STK35: variants seen among roughly 807,000 people sequenced by gnomAD.
STK35 encodes the protein serine/threonine kinase 35, also known as serine/threonine-protein kinase 35.
A neutral mutation model predicts 37.3 loss-of-function variants in STK35; 17 were observed. That is an observed-to-expected ratio of 0.46 (90% CI 0.31 to 0.68). The LOEUF is 0.68. Ranked by LOEUF, STK35 falls within the 30% of genes least tolerant of loss-of-function variation. The pLI is 0.05. For synonymous variants in STK35, 385 were observed against 319.1 expected, an observed-to-expected ratio of 1.21 and a Z score of -2.20; for missense variants, 595 against 746.7, an observed-to-expected ratio of 0.80 and a Z score of 2.37.
intron 3 of STK35, among the ~76,000 whole-genome samples, chr20:2,121,932 C>T (rs2122560877): frequency 6.6e-6 from 1 of 152,238 alleles, no homozygotes; most frequent in Admixed American, 6.5e-5. Flanking sequence ...AAGAATAGAC[C>T]AGTAGTTGTC....
At chr20:2,140,876 T>C (rs1410644415) in intron 3 of STK35, among the ~76,000 whole-genome samples, 2 of 152,226 alleles carry the variant, frequency 1.3e-5, no homozygotes. Flanking sequence ...TAGTTTATTA[T>C]GTAAAAAGGA....
chr20:2,117,633 C>T lies in STK35; in HGVS notation c.*37+218C>T, dbSNP rs948411067. On this transcript the variant is annotated intron_variant, in intron 3 of 3. Coordinates refer to ENST00000381482, the MANE Select transcript of STK35 (RefSeq NM_080836.4). The surrounding 1 kb of genome is among the most constrained non-coding windows in gnomAD (Gnocchi z 4.4). The stretch of plus-strand genomic sequence containing the variant: ...CTAATTTTTGTATTTTTAGTAGAGA[C>T]GGAGTTTCACCATGTTGGCTAGGCT... Among the ~76,000 whole-genome samples the T allele has an allele frequency of 1.3e-5, 2 of 152,076 alleles. No individual in the cohort carries two copies. Among genetic ancestry groups the T allele is most frequent in the Non-Finnish European group, 2.9e-5 (2 of 68,012 alleles).
intron 2 of STK35, among the ~76,000 whole-genome samples, chr20:2,108,510 A>G (rs1209056387): frequency 6.6e-6 from 1 of 152,026 alleles, no homozygotes; most frequent in African/African-American, 2.4e-5. Context: ...ACTGTCTCCA[A>G]AAAAAAAGAA....
chr20:2,114,628 A>C (rs1600603742), intron 2 of STK35, among the ~76,000 whole-genome samples: 1 of 152,280 alleles, frequency 6.6e-6, no homozygotes, highest in East Asian at 1.9e-4. Flanking sequence ...GCAGCTCCTC[A>C]GTCCGAAGGT....
chr20:2,119,643 C>G (rs998568705), intron 3 of STK35, among the ~76,000 whole-genome samples: 1 of 152,212 alleles, frequency 6.6e-6, no homozygotes, highest in African/African-American at 2.4e-5. Flanking sequence ...ATATCTTATT[C>G]AAGCATCCCC....
chr20:2,123,655 A>G (rs1260345002), intron 3 of STK35, among the ~76,000 whole-genome samples: 1 of 152,228 alleles, frequency 6.6e-6, no homozygotes, highest in East Asian at 1.9e-4. Flanking sequence ...AAAAAATGGA[A>G]AAGAAATGCG....
chr20:2,119,819 T>C (rs2122558067), intron 3 of STK35, among the ~76,000 whole-genome samples: 1 of 152,344 alleles, frequency 6.6e-6, no homozygotes, highest in Non-Finnish European at 1.5e-5. Context: ...TTCCCTCCCT[T>C]TCCCTTCATT....
intron 3 of STK35, among the ~76,000 whole-genome samples, chr20:2,143,553 TAGTC>T (rs1199257324): frequency 3.9e-5 from 6 of 152,294 alleles, no homozygotes; most frequent in Admixed American, 1.3e-4. Context: ...GTCTGCCCCT[TAGTC>T]AGTGTGCCCT....
intron 3 of STK35, among the ~76,000 whole-genome samples, chr20:2,119,119 T>C (rs1239392525): frequency 6.6e-6 from 1 of 152,232 alleles, no homozygotes; most frequent in Non-Finnish European, 1.5e-5. Context: ...CAAGTTGAAC[T>C]TGGTTTCATG....
intron 3 of STK35, among the ~76,000 whole-genome samples, chr20:2,118,643 C>T (rs1479014762): frequency 6.6e-6 from 1 of 152,146 alleles, no homozygotes; most frequent in Non-Finnish European, 1.5e-5. Flanking sequence ...TCCGCATGAA[C>T]AACGTTTTGG....
intron 2 of STK35, among the ~76,000 whole-genome samples, chr20:2,109,870 G>A (rs1985585505): frequency 6.6e-6 from 1 of 152,270 alleles, no homozygotes; most frequent in South Asian, 2.1e-4. Flanking sequence ...ATTGGGGGCA[G>A]GTAGTAGAGG....
intron 3 of STK35, among the ~76,000 whole-genome samples, chr20:2,122,121 C>G (rs956802014): frequency 6.6e-6 from 1 of 152,144 alleles, no homozygotes; most frequent in Non-Finnish European, 1.5e-5. Context: ...ATTGTTTGAG[C>G]TCACGAGTTT....
chr20:2,124,859 T>C (rs1194856180), intron 3 of STK35, among the ~76,000 whole-genome samples: 1 of 152,126 alleles, frequency 6.6e-6, no homozygotes, highest in Admixed American at 6.6e-5. Context: ...GGCTGGTATT[T>C]TATTTTTTTT....
intron 3 of STK35, among the ~76,000 whole-genome samples, chr20:2,142,354 C>T (rs1986185744): frequency 6.6e-6 from 1 of 152,056 alleles, no homozygotes. Context: ...GGAGGACTGG[C>T]CAGGTCCCTT....
At chr20:2,102,672 C>T (rs1340729110) in intron 1 of STK35, 96 bp from the exon 2 acceptor site, 10 of 1,187,898 alleles carry the variant, frequency 8.4e-6, no homozygotes, top group Non-Finnish European at 1.1e-5. Flanking sequence ...AAAGGGGCCG[C>T]GGCGGCCGGG....
chr20:2,137,219 GT>G (rs1203714046), intron 3 of STK35, among the ~76,000 whole-genome samples: 1 of 152,206 alleles, frequency 6.6e-6, no homozygotes, highest in Admixed American at 6.5e-5. Context: ...ACTATCACTG[GT>G]CTTTGTACCC....
chr20:2,139,906 T>G (rs998838622), intron 3 of STK35, among the ~76,000 whole-genome samples: 6 of 152,164 alleles, frequency 3.9e-5, no homozygotes, highest in Non-Finnish European at 5.9e-5. Flanking sequence ...CACTGACACC[T>G]TCCACCCCCA....
At chr20:2,142,046 C>A (rs1986180288) in intron 3 of STK35, among the ~76,000 whole-genome samples, 1 of 152,212 alleles carries the variant, frequency 6.6e-6, no homozygotes, top group South Asian at 2.1e-4. Flanking sequence ...AGACTACCTT[C>A]CAGAAGCCTT....
chr20:2,114,197 T>C (rs6137028), intron 2 of STK35, among the ~76,000 whole-genome samples: 71,039 of 151,790 alleles, frequency 0.47, 17,449 homozygotes, highest in East Asian at 0.94. Context: ...TGTGAAAGCA[T>C]ACGCTGCAGC....
Sources: gnomAD v4.1 joint callset for allele counts (sites outside exome capture counted in the v4.1 genomes callset) on GRCh38, gnomAD v4.1.1 for gene constraint, Gnocchi (gnomAD v3.1) non-coding constraint, MANE v1.5 for transcripts, NCBI Gene and HGNC (gene_info 2026-07-23, HGNC 2026-07-21) for gene names.